RABGAP1L: variants seen among roughly 807,000 people sequenced by gnomAD.
The protein encoded by RABGAP1L is rab GTPase-activating protein 1-like.
Under a neutral mutation model 137.7 loss-of-function variants are expected in RABGAP1L, and 63 were observed. The ratio of observed to expected loss-of-function variants is 0.46; its 90% CI spans 0.37 to 0.56. RABGAP1L has a LOEUF of 0.56. RABGAP1L is among the 20% of genes least tolerant of loss of function. The pLI is 0.00. For synonymous variants in RABGAP1L, 431 were observed against 433.7 expected (o/e 0.99, Z 0.08); for missense variants, 1,095 against 1,244.0 (o/e 0.88, Z 1.80).
intron 7 of RABGAP1L, among the ~76,000 whole-genome samples, chr1:174,256,241 C>A (rs1237566779): frequency 6.6e-6 from 1 of 152,122 alleles, no homozygotes; most frequent in Non-Finnish European, 1.5e-5. Context: ...TTTAATATAA[C>A]ATTGCCCATT....
At chr1:174,613,143 G>A (rs1275479622) in intron 13 of RABGAP1L, among the ~76,000 whole-genome samples, 1 of 149,552 alleles carries the variant, frequency 6.7e-6, no homozygotes, top group Non-Finnish European at 1.5e-5. Context: ...TTTTAATTGT[G>A]ATGTTAGGGT....
At chr1:174,596,358 C>T (rs1460623575) in intron 13 of RABGAP1L, among the ~76,000 whole-genome samples, 4 of 152,058 alleles carry the variant, frequency 2.6e-5, no homozygotes, top group East Asian at 1.9e-4. Flanking sequence ...TGTTCCTATT[C>T]GGCCATCTTG....
At chr1:174,504,833 T>TG in intron 13 of RABGAP1L, among the ~76,000 whole-genome samples, 1 of 152,020 alleles carries the variant, frequency 6.6e-6, no homozygotes, top group East Asian at 1.9e-4. Context: ...TAGATATAAT[T>TG]CCAAAAGCAC....
intron 1 of RABGAP1L, among the ~76,000 whole-genome samples, chr1:174,183,013 G>A (rs1666501592): frequency 6.6e-6 from 1 of 152,108 alleles, no homozygotes; most frequent in African/African-American, 2.4e-5. Context: ...GTGTGATTCT[G>A]TAGTTTCATA....
intron 20 of RABGAP1L, among the ~76,000 whole-genome samples, chr1:174,963,104 A>G (rs1669312688): frequency 6.6e-6 from 1 of 152,158 alleles, no homozygotes; most frequent in Non-Finnish European, 1.5e-5. Context: ...GTCTCAAAAA[A>G]AAAAAAAATT....
intron 13 of RABGAP1L, among the ~76,000 whole-genome samples, chr1:174,617,397 A>G (rs1213069475): frequency 6.6e-6 from 1 of 152,214 alleles, no homozygotes; most frequent in Non-Finnish European, 1.5e-5. Context: ...TAAAACAAAA[A>G]ATGCTCCATC....
chr1:174,710,449 G>T (rs968893305), intron 17 of RABGAP1L, among the ~76,000 whole-genome samples: 6 of 152,212 alleles, frequency 3.9e-5, no homozygotes, highest in Admixed American at 3.3e-4. Context: ...TACTCACAAA[G>T]GGAAGCCCAT....
rs528115918 is a variant in RABGAP1L, at chr1:174,373,757, G to A, written c.1559+2685G>A. Among the ~76,000 whole-genome samples, 108 of 152,280 alleles carry A rather than the reference G, an allele frequency of 7.1e-4. 2 individuals are homozygous for A. The highest frequency in any genetic ancestry group is 6.5e-3 in the Admixed American group (99 of 15,304). ...TCTTCCATTCTTCTGCCTTCCAACTGTACATCACTATTACTCATGGGCAGA... is the reference window on the plus strand; with the variant it reads ...TCTTCCATTCTTCTGCCTTCCAACTATACATCACTATTACTCATGGGCAGA... On this transcript the variant is annotated intron_variant, in intron 12 of 25. Transcript: ENST00000681986.
intron 10 of RABGAP1L, among the ~76,000 whole-genome samples, chr1:174,280,603 A>T (rs1240443913): frequency 6.6e-6 from 1 of 152,084 alleles, no homozygotes; most frequent in Admixed American, 6.6e-5. Flanking sequence ...GGCAGTGGGG[A>T]TGTATGAAAG....
At chr1:174,232,759 T>G (rs1454729228) in intron 4 of RABGAP1L, among the ~76,000 whole-genome samples, 1 of 136,898 alleles carries the variant, frequency 7.3e-6, no homozygotes, top group Non-Finnish European at 1.6e-5. Flanking sequence ...AGACGCCATC[T>G]CAAAAAAAAA....
chr1:174,205,244 A>G (rs572745910), intron 1 of RABGAP1L, among the ~76,000 whole-genome samples: 55 of 152,242 alleles, frequency 3.6e-4, no homozygotes, highest in Admixed American at 7.8e-4. Context: ...TTCATCAAGG[A>G]TATTAGCCTG....
At chr1:174,378,694 T>C (rs140391741) in intron 12 of RABGAP1L, among the ~76,000 whole-genome samples, 31,249 of 151,344 alleles carry the variant, frequency 0.21, 3,541 homozygotes, top group Admixed American at 0.24. Context: ...CAGTCCTTTG[T>C]CAGATGAGTA....
chr1:174,544,268 A>G (rs991100119), intron 13 of RABGAP1L, among the ~76,000 whole-genome samples: 3 of 151,820 alleles, frequency 2.0e-5, no homozygotes, highest in Admixed American at 1.3e-4. Flanking sequence ...ACATAGTCCC[A>G]TATTTCTTGG....
chr1:174,683,864 C>T (rs548211658), intron 15 of RABGAP1L, among the ~76,000 whole-genome samples: 6 of 152,144 alleles, frequency 3.9e-5, no homozygotes, highest in African/African-American at 7.2e-5. Flanking sequence ...TTAAAGAAGT[C>T]GGTATAACTG....
intron 13 of RABGAP1L, among the ~76,000 whole-genome samples, chr1:174,613,819 CTTT>C (rs1362425285): frequency 6.6e-6 from 1 of 152,182 alleles, no homozygotes; most frequent in Non-Finnish European, 1.5e-5. Flanking sequence ...TAATGGCCTT[CTTT>C]GTCTCTTTTG....
chr1:174,895,787 G>A (rs908322065), intron 19 of RABGAP1L, among the ~76,000 whole-genome samples: 9 of 151,994 alleles, frequency 5.9e-5, no homozygotes, highest in Admixed American at 5.2e-4. Flanking sequence ...CTTTTTTGTG[G>A]CTGCATAGTA....
chr1:174,482,287 G>A (rs1222242383), intron 13 of RABGAP1L, among the ~76,000 whole-genome samples: 1 of 152,186 alleles, frequency 6.6e-6, no homozygotes, highest in Non-Finnish European at 1.5e-5. Flanking sequence ...TTACCAAATT[G>A]TAAAATAAAT....
At chr1:174,199,274 G>A (rs941668159) in intron 1 of RABGAP1L, among the ~76,000 whole-genome samples, 2 of 151,996 alleles carry the variant, frequency 1.3e-5, no homozygotes, top group African/African-American at 4.8e-5. Flanking sequence ...TTTTAGTGGA[G>A]GCAATTTTAT....
At chr1:174,313,211 A>G (rs183569039) in intron 11 of RABGAP1L, among the ~76,000 whole-genome samples, 98 of 152,276 alleles carry the variant, frequency 6.4e-4, no homozygotes, top group Non-Finnish European at 1.3e-3. Context: ...GGCATGAGCC[A>G]CCACCACACC....
Sources: allele counts gnomAD v4.1 joint callset (sites outside exome capture counted in the v4.1 genomes callset), GRCh38; gene constraint gnomAD v4.1.1; transcripts MANE v1.5; gene names NCBI Gene and HGNC (gene_info 2026-07-23, HGNC 2026-07-21).